Variants in OPRL1 observed in about 807,000 individuals in gnomAD.
The protein encoded by OPRL1 is nociceptin receptor.
OPRL1 carries 5 observed loss-of-function variants against 15.5 expected under a neutral mutation model. The observed-to-expected ratio is 0.32, with a 90% CI of 0.17 to 0.68. The LOEUF (loss-of-function observed/expected upper bound fraction) is 0.68, where lower values mean the gene tolerates loss of function less well. OPRL1 is among the 30% of genes least tolerant of loss of function. The pLI is 0.72. For synonymous variants in OPRL1, 223 were observed against 230.2 expected (o/e 0.97, Z 0.28); for missense variants, 406 against 515.3 (o/e 0.79, Z 2.05).
Position 64,092,854 on chromosome 20 carries a change from T to C in OPRL1, c.134T>C (p.Phe45Ser). The C allele has an allele frequency of 1.2e-6, 2 of 1,612,768 alleles. No homozygotes were observed. Among genetic ancestry groups the C allele is most frequent in the Non-Finnish European group, 1.7e-6 (2 of 1,179,946 alleles). The change falls in exon 3 of 5, where the codon TTC (phenylalanine) becomes TCC (serine). Residue 45 changes from phenylalanine (F) to serine (S), a missense_variant. Coordinates refer to ENST00000336866, the MANE Select transcript of OPRL1 (RefSeq NM_182647.4). ...HLLLNASHGA[F>S]LPLGLKVTIV... is the part of the protein sequence containing the mutation. ...CTGCTCAATGCCAGCCACGGCGCCTTCCTGCCCCTCGGGCTCAAGGTCACC... is the reference window on the plus strand; with the variant it reads ...CTGCTCAATGCCAGCCACGGCGCCTCCCTGCCCCTCGGGCTCAAGGTCACC...
In OPRL1 at chr20:64,097,395, T is replaced by A. The variant is rs1428193097; in HGVS notation, c.234-407T>A. Among the ~76,000 whole-genome samples, 2 of 152,044 alleles carry A rather than the reference T, an allele frequency of 1.3e-5. No individual in the cohort carries two copies. The highest frequency in any genetic ancestry group is 6.6e-5 in the Admixed American group (1 of 15,262). ...GGCAACTGTAGGGTCAGCATTTGAGTCTGTGAGGGGTCATGGAGGGGACTC... is the reference window on the plus strand; with the variant it reads ...GGCAACTGTAGGGTCAGCATTTGAGACTGTGAGGGGTCATGGAGGGGACTC... On this transcript the variant is annotated intron_variant, in intron 3 of 4. Coordinates refer to ENST00000336866, the MANE Select transcript of OPRL1 (RefSeq NM_182647.4). This position sits in a 1 kb window ranked among gnomAD's most constrained non-coding sequence, Gnocchi z 4.2.
intron 1 of OPRL1, chr20:64,084,191 C>A (rs1220637106): frequency 2.1e-6 from 3 of 1,442,234 alleles, no homozygotes; most frequent in Non-Finnish European, 2.7e-6. Context: ...CGGGCCCTTG[C>A]GCCCGCCCTC....
At position 64,089,959 on chromosome 20, in the gene OPRL1, C is replaced by T. The variant is rs533763239; in HGVS notation, c.-184-2007C>T. On this transcript the variant is annotated intron_variant, in intron 1 of 4. Coordinates refer to ENST00000336866, the MANE Select transcript of OPRL1 (RefSeq NM_182647.4). The surrounding 1 kb of genome is among the most constrained non-coding windows in gnomAD (Gnocchi z 5.5). The stretch of plus-strand genomic sequence containing the variant: ...CCGAGCCTGCCTGGATTCCTGCCCC[C>T]TCTCGGCTCCTGAGGTCAGGGGGCT... Among the ~76,000 whole-genome samples, 1 of 152,298 alleles carries T rather than the reference C, an allele frequency of 6.6e-6. No individual in the cohort carries two copies. The highest frequency in any genetic ancestry group is 2.4e-5 in the African/African-American group (1 of 41,552).
rs3764678 is a variant in OPRL1, at chr20:64,099,124, C to T, written c.*325C>T. ...TGGACGGCCGTGACTGGAGCCCGTGCCCCTCCCTCCCCGTGCTTCATGTGA... is the reference window on the plus strand; with the variant it reads ...TGGACGGCCGTGACTGGAGCCCGTGTCCCTCCCTCCCCGTGCTTCATGTGA... On this transcript the variant is annotated 3_prime_UTR_variant, in exon 5 of 5. Transcript: ENST00000336866. 425 of 392,790 alleles carry T rather than the reference C, an allele frequency of 1.1e-3. 5 individuals are homozygous for T. The East Asian group carries it at 0.018, about 16-fold the overall frequency. 24.3% of individuals were successfully genotyped at this position (392,790 alleles called of 1,614,324 possible). A position where few individuals can be genotyped will look rare whatever the true frequency, so the allele number is the denominator to read the frequency against.
intron 1 of OPRL1, chr20:64,086,531 G>A (rs541721921): frequency 5.1e-6 from 1 of 197,520 alleles, no homozygotes; most frequent in East Asian, 1.9e-4. Flanking sequence ...AAGGGCTAAC[G>A]GAAATGCTGA....
At chr20:64,091,804 C>T (rs2060120405) in intron 1 of OPRL1, among the ~76,000 whole-genome samples, 162 bp from the exon 2 acceptor site, 1 of 37,602 alleles carries the variant, frequency 2.7e-5, no homozygotes, top group Admixed American at 4.1e-4. Context: ...TCTGAGCCTC[C>T]TTTTTCATCT....
At position 64,099,328 on chromosome 20, in the gene OPRL1, C is replaced by G; in HGVS notation, c.*529C>G. On this transcript the variant is annotated 3_prime_UTR_variant, in exon 5 of 5. Coordinates refer to ENST00000336866, the MANE Select transcript of OPRL1 (RefSeq NM_182647.4). Reference sequence around the variant, plus strand: ...GGCAGCTGGACAGGCTTGGCACTGCCCGGGAAGTGCAGCAGGCAGCTTTTC... The same window carrying G: ...GGCAGCTGGACAGGCTTGGCACTGCGCGGGAAGTGCAGCAGGCAGCTTTTC... The G allele has an allele frequency of 6.4e-6, 1 of 155,240 alleles. No homozygotes were observed. The highest frequency in any genetic ancestry group is 1.4e-5 in the Non-Finnish European group (1 of 70,208). 9.6% of individuals were successfully genotyped at this position (155,240 alleles called of 1,614,324 possible). A position where few individuals can be genotyped will look rare whatever the true frequency, so the allele number is the denominator to read the frequency against.
In OPRL1 at chr20:64,100,344, G is replaced by C. The variant is rs946850983; in HGVS notation, c.*1545G>C. 1 of 152,262 alleles carries C rather than the reference G, an allele frequency of 6.6e-6. No individual in the cohort carries two copies. Among genetic ancestry groups the C allele is most frequent in the African/African-American group, 2.4e-5 (1 of 41,442 alleles). 9.4% of individuals were successfully genotyped at this position (152,262 alleles called of 1,614,324 possible). On this transcript the variant is annotated 3_prime_UTR_variant, in exon 5 of 5. Coordinates refer to ENST00000336866, the MANE Select transcript of OPRL1 (RefSeq NM_182647.4). ...AGGAAGTGATGGCTGTCTCGCAACA[G>C]AGCCTGGGCTGCTCCTCCTGCTCTG...
chr20:64,083,488 G>A lies in OPRL1; in HGVS notation c.-185+3136G>A, dbSNP rs772524214. The A allele has an allele frequency of 1.9e-6, 3 of 1,592,598 alleles. No homozygotes were observed. Reference sequence around the variant, plus strand: ...TTCTCCTCCAGGATGGTCTCCACGCGCCTCCGCTGCCGGGGAGAGAGGCTG... The same window carrying A: ...TTCTCCTCCAGGATGGTCTCCACGCACCTCCGCTGCCGGGGAGAGAGGCTG... On this transcript the variant is annotated intron_variant, in intron 1 of 4. Coordinates refer to ENST00000336866, the MANE Select transcript of OPRL1 (RefSeq NM_182647.4). This position sits in a 1 kb window ranked among gnomAD's most constrained non-coding sequence, Gnocchi z 4.9.
chr20:64,097,708 T>C lies in OPRL1; in HGVS notation c.234-94T>C. On this transcript the variant is annotated intron_variant, in intron 3 of 4. Transcript: ENST00000336866. The surrounding 1 kb of genome is among the most constrained non-coding windows in gnomAD (Gnocchi z 4.2). ...GATGTTAAGGGACTCAGGGCCACTG[T>C]AGCTTGTGGTGGCCAAGAGGAGCCC... 9.2e-7 allele frequency: 1 copy of C among 1,082,424 alleles called. No homozygotes were observed. Among genetic ancestry groups the C allele is most frequent in the Non-Finnish European group, 1.4e-6 (1 of 727,266 alleles). The allele number at this position is 1,082,424 out of a possible 1,614,324, so 67.1% of individuals were successfully genotyped here.
chr20:64,096,246 T>TC (rs1251235531), intron 3 of OPRL1, among the ~76,000 whole-genome samples: 1 of 151,964 alleles, frequency 6.6e-6, no homozygotes, highest in Non-Finnish European at 1.5e-5. Context: ...CTGGCCAGAG[T>TC]CCCCAGAGAG....
intron 1 of OPRL1, among the ~76,000 whole-genome samples, chr20:64,088,723 GATCT>G (rs1569271865): frequency 0.13 from 1,860 of 14,012 alleles, 62 homozygotes; most frequent in Middle Eastern, 0.25. Flanking sequence ...GAGTGGCCAG[GATCT>G]GTGCAAGGGG....
chr20:64,096,697 A>T (rs1310320126), intron 3 of OPRL1, among the ~76,000 whole-genome samples: 1 of 152,054 alleles, frequency 6.6e-6, no homozygotes. Flanking sequence ...CGCCACCATC[A>T]TCATCACAAT....
In OPRL1 at chr20:64,085,949, C is replaced by G. The variant is rs151185653; in HGVS notation, c.-185+5597C>G. Among the ~76,000 whole-genome samples, 885 of 152,326 alleles carry G rather than the reference C, an allele frequency of 5.8e-3. 7 individuals carry two copies. The highest frequency in any genetic ancestry group is 0.02 in the African/African-American group (845 of 41,574). On this transcript the variant is annotated intron_variant, in intron 1 of 4. Transcript: ENST00000336866. ...CCTTCCAGCCCTCAAGCTTTTGCTG[C>G]TCCCCAGGAAGGCCCTTCCTGGTGC... is the stretch of plus-strand genomic sequence containing the variant.
In OPRL1 at chr20:64,088,745, T is replaced by C. The variant is rs112380974; in HGVS notation, c.-184-3221T>C. Among the ~76,000 whole-genome samples, 8 of 118,466 alleles carry C rather than the reference T, an allele frequency of 6.8e-5. 1 individual carries two copies. Among genetic ancestry groups the C allele is most frequent in the African/African-American group, 1.0e-4 (3 of 29,720 alleles). 77.7% of individuals were successfully genotyped at this position (118,466 alleles called of 152,430 possible). On this transcript the variant is annotated intron_variant, in intron 1 of 4. Coordinates refer to ENST00000336866, the MANE Select transcript of OPRL1 (RefSeq NM_182647.4). ...CAGGATCTGTGCAAGGGGTAGGATC[T>C]GTGCAGAGTGGCCAGGATCTGTGCA...
At chr20:64,084,467 C>G (rs2060020444) in intron 1 of OPRL1, 1 of 983,114 alleles carries the variant, frequency 1.0e-6, no homozygotes, top group Non-Finnish European at 1.3e-6. Flanking sequence ...CTAGGACTTT[C>G]TGATCAACTC....
rs987669849 is a variant in OPRL1, at chr20:64,098,525, A to T, written c.839A>T (p.Gln280Leu). ...TTCGTGGGCTGCTGGACGCCTGTCC[A>T]GGTCTTCGTGCTGGCCCAAGGGCTG... ...AVFVGCWTPV[Q>L]VFVLAQGLGV... Residue 280 changes from glutamine (Q) to leucine (L), a missense_variant, in exon 5 of 5, where the codon CAG (glutamine) becomes CTG (leucine). Gln to Leu is a moderately radical substitution (Grantham distance 113). Coordinates refer to ENST00000336866, the MANE Select transcript of OPRL1 (RefSeq NM_182647.4). 2.5e-6 allele frequency: 4 copies of T among 1,612,652 alleles called. No individual in the cohort carries two copies.
At chr20:64,091,635 G>A (rs2060118679) in intron 1 of OPRL1, among the ~76,000 whole-genome samples, 1 of 152,178 alleles carries the variant, frequency 6.6e-6, no homozygotes, top group African/African-American at 2.4e-5. Context: ...GGGCCAGTCT[G>A]TCCAAGGCTG....
rs1350195879 is a variant in OPRL1 at position 64,089,711 on chromosome 20, C to CA, written c.-184-2254dup. 6.6e-6 allele frequency among the ~76,000 whole-genome samples: 1 copy of CA among 152,194 alleles called. No homozygotes were observed. Among genetic ancestry groups the CA allele is most frequent in the African/African-American group, 2.4e-5 (1 of 41,442 alleles). ...TAGCAGGGATGAGGTGCTTGTGTCCCACACTCTGCCCTGGCCTCTGACACT... is the reference window on the plus strand; with the variant it reads ...TAGCAGGGATGAGGTGCTTGTGTCCCAACACTCTGCCCTGGCCTCTGACACT... On this transcript the variant is annotated intron_variant, in intron 1 of 4. Transcript: ENST00000336866. This position sits in a 1 kb window ranked among gnomAD's most constrained non-coding sequence, Gnocchi z 5.5.
Sources: allele counts gnomAD v4.1 joint callset (sites outside exome capture counted in the v4.1 genomes callset), GRCh38; gene constraint gnomAD v4.1.1; non-coding constraint Gnocchi (gnomAD v3.1); transcripts MANE v1.5; gene names NCBI Gene and HGNC (gene_info 2026-07-23, HGNC 2026-07-21).